The following DYNC1LI1 variants were observed in gnomAD, a reference collection of about 807,000 sequenced individuals.
DYNC1LI1 encodes the protein cytoplasmic dynein 1 light intermediate chain 1.
DYNC1LI1 carries 19 observed loss-of-function variants against 63.8 expected under a neutral mutation model. The observed-to-expected ratio is 0.30, with a 90% confidence interval of 0.21 to 0.44. The LOEUF (loss-of-function observed/expected upper bound fraction) is 0.44, where lower values mean the gene tolerates loss of function less well. DYNC1LI1 is among the 20% of genes least tolerant of loss of function. The pLI, the probability that DYNC1LI1 is intolerant of heterozygous loss-of-function variation, is 1.00. For synonymous variants in DYNC1LI1, 225 were observed against 232.3 expected (o/e 0.97, Z 0.28); for missense variants, 565 against 630.2 (o/e 0.90, Z 1.11).
At chr3:32,543,565 ATT>A (rs113578821) in intron 4 of DYNC1LI1, among the ~76,000 whole-genome samples, 2 of 140,762 alleles carry the variant, frequency 1.4e-5, no homozygotes, top group Non-Finnish European at 1.6e-5. Flanking sequence ...TGCTGGGCTA[ATT>A]TTTTTTTTTT....
intron 9 of DYNC1LI1, 51 bp from the exon 10 acceptor site, chr3:32,530,379 C>T: frequency 6.4e-7 from 1 of 1,550,550 alleles, no homozygotes; most frequent in Non-Finnish European, 8.8e-7. Flanking sequence ...ATAGCATATA[C>T]TGGTGTATTT....
chr3:32,554,962 C>T (rs1390397874), intron 2 of DYNC1LI1, among the ~76,000 whole-genome samples: 1 of 150,934 alleles, frequency 6.6e-6, no homozygotes, highest in African/African-American at 2.4e-5. Context: ...CTCCGCATCC[C>T]GGGTTAAAGT....
chr3:32,561,054 A>C (rs1698187470), intron 2 of DYNC1LI1, among the ~76,000 whole-genome samples: 1 of 148,470 alleles, frequency 6.7e-6, no homozygotes, highest in Non-Finnish European at 1.5e-5. Context: ...AAACACACAC[A>C]CACCAAAGAA....
At chr3:32,542,612 C>T (rs1472731004) in intron 4 of DYNC1LI1, among the ~76,000 whole-genome samples, 2 of 152,112 alleles carry the variant, frequency 1.3e-5, no homozygotes, top group Non-Finnish European at 2.9e-5. Context: ...TTCATCATAT[C>T]GGCCAGGCTA....
rs1038013721 is a variant in DYNC1LI1 at position 32,534,635 on chromosome 3, G to C, written c.844C>G (p.Leu282Val). Residue 282 changes from leucine (L) to valine (V), a missense_variant, in exon 7 of 13, where the codon CTT (leucine) becomes GTT (valine). Transcript: ENST00000273130. Reference protein sequence around the residue: ...RKFCLQYGAALIYTSVKENKN... With the variant: ...RKFCLQYGAAVIYTSVKENKN... ...TTTTCTTTTACTGAAGTGTAAATAAGTGCTGCACCATCTGAATAATATGGT... is the reference window on the plus strand; with the variant it reads ...TTTTCTTTTACTGAAGTGTAAATAACTGCTGCACCATCTGAATAATATGGT... 2 of 1,578,224 alleles carry C rather than the reference G, an allele frequency of 1.3e-6. No individual in the cohort carries two copies. Among genetic ancestry groups the C allele is most frequent in the Non-Finnish European group, 1.7e-6 (2 of 1,165,918 alleles).
At chr3:32,541,403 T>C (rs73826584) in intron 4 of DYNC1LI1, among the ~76,000 whole-genome samples, 197 bp from the exon 5 acceptor site, 4,488 of 152,234 alleles carry the variant, frequency 0.029, 231 homozygotes, top group African/African-American at 0.1. Flanking sequence ...AGACAGAATA[T>C]TACTACTGCA....
chr3:32,541,264 T>G (rs951608186), intron 4 of DYNC1LI1, 58 bp from the exon 5 acceptor site: 1 of 1,170,164 alleles, frequency 8.5e-7, no homozygotes, highest in South Asian at 1.6e-5. Flanking sequence ...GTAACTTTTC[T>G]TGCCATAATC....
At chr3:32,528,821 A>G (rs1268405992) in intron 11 of DYNC1LI1, among the ~76,000 whole-genome samples, 1 of 152,200 alleles carries the variant, frequency 6.6e-6, no homozygotes, top group Non-Finnish European at 1.5e-5. Flanking sequence ...GTTATTTTTA[A>G]AAGGCCAAAG....
rs544172050 is a variant in DYNC1LI1 at position 32,558,529 on chromosome 3, A to C, written c.220+11817T>G. 9.9e-5 allele frequency among the ~76,000 whole-genome samples: 15 copies of C among 152,220 alleles called. 1 individual carries two copies. The South Asian group carries it at 3.1e-3, about 32-fold the overall frequency. ...GATCTCTAACTCAACAATAGAATGT[A>C]ATCTCCATCAACTTCATAATAACAA... On this transcript the variant is annotated intron_variant, in intron 2 of 12. Coordinates refer to ENST00000273130, the MANE Select transcript of DYNC1LI1 (RefSeq NM_016141.4).
At chr3:32,564,387 T>C (rs1698232632) in intron 2 of DYNC1LI1, among the ~76,000 whole-genome samples, 1 of 152,226 alleles carries the variant, frequency 6.6e-6, no homozygotes, top group African/African-American at 2.4e-5. Flanking sequence ...AGGCCAAAAC[T>C]GGCTTGCTGC....
rs565630850 is a variant in DYNC1LI1, at chr3:32,552,883, T to C, written c.221-6918A>G. On this transcript the variant is annotated intron_variant, in intron 2 of 12. Coordinates refer to ENST00000273130, the MANE Select transcript of DYNC1LI1 (RefSeq NM_016141.4). ...ACCACGCCCAGCTAATTTTTTTATT[T>C]TTAGTAGAGAAGGGGTTTCACCATG... Among the ~76,000 whole-genome samples, 15 of 152,192 alleles carry C rather than the reference T, an allele frequency of 9.9e-5. No homozygotes were observed. The South Asian group carries it at 2.9e-3, about 29-fold the overall frequency.
chr3:32,560,388 G>A (rs553424777), intron 2 of DYNC1LI1, among the ~76,000 whole-genome samples: 5 of 152,230 alleles, frequency 3.3e-5, no homozygotes, highest in South Asian at 2.1e-4. Flanking sequence ...AGCCGAGATC[G>A]TGCCACTGCA....
chr3:32,555,614 A>G (rs1698104654), intron 2 of DYNC1LI1, among the ~76,000 whole-genome samples: 1 of 152,180 alleles, frequency 6.6e-6, no homozygotes, highest in African/African-American at 2.4e-5. Context: ...ACCACTTATA[A>G]GTGAGCATTC....
intron 2 of DYNC1LI1, among the ~76,000 whole-genome samples, chr3:32,559,059 T>C (rs1698154364): frequency 1.2e-5 from 1 of 80,924 alleles, no homozygotes; most frequent in Non-Finnish European, 2.8e-5. Flanking sequence ...TTACTACTAC[T>C]TTTTTTTTTT....
In DYNC1LI1 at chr3:32,537,925, TA is replaced by T. The variant is rs1267192634; in HGVS notation, c.739-822del. ...AATATATATATATAATTTATATATA[TA>T]ATATATATATAATATATATATAATT... On this transcript the variant is annotated intron_variant, in intron 5 of 12. Coordinates refer to ENST00000273130, the MANE Select transcript of DYNC1LI1 (RefSeq NM_016141.4). Among the ~76,000 whole-genome samples, 166 of 25,508 alleles carry T rather than the reference TA, an allele frequency of 6.5e-3. 9 individuals are homozygous for T. Among genetic ancestry groups the T allele is most frequent in the East Asian group, 0.046 (51 of 1,106 alleles). The allele number at this position is 25,508 out of a possible 152,430, so 16.7% of individuals were successfully genotyped here. A position where few individuals can be genotyped will look rare whatever the true frequency, so the allele number is the denominator to read the frequency against.
At chr3:32,568,116 G>A (rs1373372013) in intron 2 of DYNC1LI1, among the ~76,000 whole-genome samples, 1 of 152,144 alleles carries the variant, frequency 6.6e-6, no homozygotes, top group Non-Finnish European at 1.5e-5. Flanking sequence ...GATTACAGGC[G>A]TGGGCCACTG....
Position 32,541,059 on chromosome 3 carries a change from G to A in DYNC1LI1, c.716C>T (p.Pro239Leu). Residue 239 changes from proline to leucine, a missense_variant, in exon 5 of 13, where the codon CCA becomes CTA. By Grantham distance (98) the Pro-to-Leu change is moderately conservative (BLOSUM62 -3). Transcript: ENST00000273130. ...AACCTTTGTGCAAACTACTAGTACT[G>A]GAATGCCCAAGTTATGTGTAAGTGT... is the stretch of plus-strand genomic sequence containing the variant. The part of the protein sequence containing the change: ...ADTLTHNLGI[P>L]VLVVCTKCDA... 1 of 1,611,154 alleles carries A rather than the reference G, an allele frequency of 6.2e-7. No individual in the cohort carries two copies. The highest frequency in any genetic ancestry group is 8.5e-7 in the Non-Finnish European group (1 of 1,178,702).
In DYNC1LI1 at chr3:32,540,605, C is replaced by T. The variant is rs575681015; in HGVS notation, c.738+432G>A. Among the ~76,000 whole-genome samples, 44 of 149,694 alleles carry T rather than the reference C, an allele frequency of 2.9e-4. No homozygotes were observed. The South Asian group carries it at 5.5e-3, about 19-fold the overall frequency. On this transcript the variant is annotated intron_variant, in intron 5 of 12. Transcript: ENST00000273130. The stretch of plus-strand genomic sequence containing the variant: ...CTGAGGCAGGAGAATTGCTTTAACC[C>T]GGGAAGCGGAGGTTGCAGTGAGCCG...
intron 6 of DYNC1LI1, 37 bp from the exon 7 acceptor site, chr3:32,534,683 G>T: frequency 1.3e-6 from 2 of 1,493,250 alleles, no homozygotes; most frequent in African/African-American, 2.9e-5. Flanking sequence ...CTGGACAAAT[G>T]TCATGAGCAA....
Sources: gnomAD v4.1 joint callset for allele counts (sites outside exome capture counted in the v4.1 genomes callset) on GRCh38, gnomAD v4.1.1 for gene constraint, MANE v1.5 for transcripts, NCBI Gene and HGNC (gene_info 2026-07-23, HGNC 2026-07-21) for gene names.